ZBED4: variants seen among roughly 807,000 people sequenced by gnomAD.
ZBED4 encodes the protein zinc finger BED domain-containing protein 4.
ZBED4 carries 4 observed loss-of-function variants against 15.5 expected under a neutral mutation model. That is an observed-to-expected ratio of 0.26 (90% CI 0.13 to 0.59). ZBED4 has a LOEUF of 0.59. Among genes scored for constraint, ZBED4 ranks in the 20% least tolerant of loss-of-function variants. ZBED4 has a pLI of 0.90. For missense variants in ZBED4, 1,323 were observed against 1,461.8 expected, an observed-to-expected ratio of 0.91 and a Z score of 1.55; for synonymous variants, 692 against 608.5, an observed-to-expected ratio of 1.14 and a Z score of -2.02.
chr22:49,858,925 G>A (rs991278524), intron 1 of ZBED4, among the ~76,000 whole-genome samples: 3 of 152,202 alleles, frequency 2.0e-5, no homozygotes, highest in African/African-American at 4.8e-5. Flanking sequence ...ACAGGGGCAC[G>A]TTTGGGGCGC....
rs542831149 is a variant in ZBED4 at position 49,888,750 on chromosome 22, G to A, written c.*1572G>A. 2 of 167,402 alleles carry A rather than the reference G, an allele frequency of 1.2e-5. No individual in the cohort carries two copies. 10.4% of individuals were successfully genotyped at this position (167,402 alleles called of 1,614,324 possible). On this transcript the variant is annotated 3_prime_UTR_variant, in exon 2 of 2. Transcript: ENST00000216268. The stretch of plus-strand genomic sequence containing the variant: ...GTGTCCTCTTACCCGGTAGCTGTGC[G>A]CTTGTTCCCGTGAGAACAGCCTGCT...
chr22:49,868,505 T>G (rs1405440381), intron 1 of ZBED4, among the ~76,000 whole-genome samples: 5 of 151,938 alleles, frequency 3.3e-5, no homozygotes, highest in Non-Finnish European at 2.9e-5. Flanking sequence ...CTTGAGCTCA[T>G]GAGGCGGAGG....
intron 1 of ZBED4, among the ~76,000 whole-genome samples, chr22:49,874,717 G>T: frequency 9.7e-6 from 1 of 102,572 alleles, no homozygotes; most frequent in Non-Finnish European, 1.8e-5. Flanking sequence ...GTCTCACTCT[G>T]TCGCCAGGCT....
chr22:49,859,872 C>T (rs962132288), intron 1 of ZBED4, among the ~76,000 whole-genome samples: 7 of 151,744 alleles, frequency 4.6e-5, no homozygotes, highest in Non-Finnish European at 1.0e-4. Context: ...CAAAAACATA[C>T]AGAAATCAGC....
intron 1 of ZBED4, among the ~76,000 whole-genome samples, chr22:49,878,080 G>A (rs964155274): frequency 6.6e-6 from 1 of 151,946 alleles, no homozygotes; most frequent in Non-Finnish European, 1.5e-5. Flanking sequence ...CGAGATGGGC[G>A]GATCACCTGA....
At chr22:49,858,322 G>A (rs141391390) in intron 1 of ZBED4, among the ~76,000 whole-genome samples, 7 of 152,302 alleles carry the variant, frequency 4.6e-5, no homozygotes, top group African/African-American at 1.7e-4. Context: ...ATAGGTGAAG[G>A]CTACTCAGGT....
chr22:49,864,463 C>T (rs1241774402), intron 1 of ZBED4, among the ~76,000 whole-genome samples: 1 of 152,170 alleles, frequency 6.6e-6, no homozygotes, highest in Admixed American at 6.5e-5. Flanking sequence ...ACTACAGATG[C>T]TTCGCAACTC....
At chr22:49,864,932 A>C (rs1490560732) in intron 1 of ZBED4, among the ~76,000 whole-genome samples, 2 of 35,356 alleles carry the variant, frequency 5.7e-5, no homozygotes, top group Admixed American at 3.1e-4. Context: ...GTTCTATCCC[A>C]GCAAGCCCCC....
intron 1 of ZBED4, among the ~76,000 whole-genome samples, chr22:49,870,435 C>G (rs1296045152): frequency 6.6e-6 from 1 of 152,176 alleles, no homozygotes; most frequent in Non-Finnish European, 1.5e-5. Context: ...TCATTGACAT[C>G]CCTGCCAGCA....
rs561160604 is a variant in ZBED4 at position 49,871,724 on chromosome 22, G to A, written c.-329-11610G>A. On this transcript the variant is annotated intron_variant, in intron 1 of 1. Coordinates refer to ENST00000216268, the MANE Select transcript of ZBED4 (RefSeq NM_014838.3). Reference sequence around the variant, plus strand: ...CAATCAGAGTGCAGATTGCTGAAGGGTGGGGTGGCTGTGACAATTTATTTA... The same window carrying A: ...CAATCAGAGTGCAGATTGCTGAAGGATGGGGTGGCTGTGACAATTTATTTA... Among the ~76,000 whole-genome samples, 4 of 151,056 alleles carry A rather than the reference G, an allele frequency of 2.6e-5. 1 individual carries two copies. The South Asian group carries it at 8.5e-4, about 32-fold the overall frequency.
intron 1 of ZBED4, among the ~76,000 whole-genome samples, chr22:49,860,429 A>G (rs993515541): frequency 9.8e-5 from 15 of 152,362 alleles, no homozygotes; most frequent in Admixed American, 5.2e-4. Context: ...AAATGTGCAT[A>G]CAGTAGGTTG....
At position 49,888,651 on chromosome 22, in the gene ZBED4, G is replaced by A. The variant is rs138241987; in HGVS notation, c.*1473G>A. On this transcript the variant is annotated 3_prime_UTR_variant, in exon 2 of 2. Coordinates refer to ENST00000216268, the MANE Select transcript of ZBED4 (RefSeq NM_014838.3). ...ACTTTCCAGGTCTCGTGTTCAAGTGGTGCCAGAATGCAGGAGCCGGTGGGC... is the reference window on the plus strand; with the variant it reads ...ACTTTCCAGGTCTCGTGTTCAAGTGATGCCAGAATGCAGGAGCCGGTGGGC... The A allele has an allele frequency of 2.9e-4, 48 of 167,398 alleles. No individual in the cohort carries two copies. Among genetic ancestry groups the A allele is most frequent in the African/African-American group, 1.1e-3 (46 of 41,580 alleles). The allele number at this position is 167,398 out of a possible 1,614,324, so 10.4% of individuals were successfully genotyped here.
intron 1 of ZBED4, among the ~76,000 whole-genome samples, chr22:49,876,427 TTGCTTCG>T (rs1430545473): frequency 8.5e-5 from 13 of 152,228 alleles, no homozygotes; most frequent in Non-Finnish European, 1.9e-4. Flanking sequence ...TCTCTCAGCT[TTGCTTCG>T]TGGTTTTGAA....
intron 1 of ZBED4, among the ~76,000 whole-genome samples, chr22:49,874,772 G>A (rs1047251864): frequency 3.9e-5 from 5 of 126,950 alleles, no homozygotes; most frequent in East Asian, 5.1e-4. Flanking sequence ...TCGACCTCCC[G>A]TCCAGGTTCA....
intron 1 of ZBED4, among the ~76,000 whole-genome samples, chr22:49,865,710 G>T (rs1156356826): frequency 6.6e-6 from 1 of 151,990 alleles, no homozygotes; most frequent in Admixed American, 6.6e-5. Context: ...TGTTTCTGTT[G>T]TGTTTTGGTT....
At chr22:49,872,992 A>G (rs2060356290) in intron 1 of ZBED4, among the ~76,000 whole-genome samples, 1 of 152,090 alleles carries the variant, frequency 6.6e-6, no homozygotes, top group African/African-American at 2.4e-5. Context: ...TACCGCGCCC[A>G]GCCAATGTTT....
intron 1 of ZBED4, among the ~76,000 whole-genome samples, chr22:49,863,811 A>G (rs62232059): frequency 0.057 from 8,730 of 152,256 alleles, 305 homozygotes; most frequent in South Asian, 0.093. Flanking sequence ...TCATTTTCCT[A>G]TCAGCCTCCA....
In ZBED4 at chr22:49,888,081, C is replaced by T. The variant is rs1029152609; in HGVS notation, c.*903C>T. 4 of 167,216 alleles carry T rather than the reference C, an allele frequency of 2.4e-5. No individual in the cohort carries two copies. The highest frequency in any genetic ancestry group is 9.7e-5 in the African/African-American group (4 of 41,448). The allele number at this position is 167,216 out of a possible 1,614,324, so 10.4% of individuals were successfully genotyped here. ...TTTTTTAGAAGAGATGGCTTATTAA[C>T]AGGGAAGAAGCTTGTTATATTCCAG... On this transcript the variant is annotated 3_prime_UTR_variant, in exon 2 of 2. Coordinates refer to ENST00000216268, the MANE Select transcript of ZBED4 (RefSeq NM_014838.3).
At position 49,885,107 on chromosome 22, in the gene ZBED4, G is replaced by A; in HGVS notation, c.1445G>A (p.Cys482Tyr). The change falls in exon 2 of 2, where the codon TGT (cysteine) becomes TAT (tyrosine). Residue 482 changes from cysteine (C) to tyrosine (Y), a missense_variant. Coordinates refer to ENST00000216268, the MANE Select transcript of ZBED4 (RefSeq NM_014838.3). ...AAGGCCGAGTGTCGGTACTGCGGCT[G>A]TGCCATCAGCCGGGGGAAGAAGGGT... ...SLKAECRYCGCAISRGKKGDV... is the reference protein window; with the variant it reads ...SLKAECRYCGYAISRGKKGDV... 1 of 1,613,938 alleles carries A rather than the reference G, an allele frequency of 6.2e-7. No individual in the cohort carries two copies. The highest frequency in any genetic ancestry group is 2.2e-5 in the East Asian group (1 of 44,834).
Sources: gnomAD v4.1 joint callset for allele counts (sites outside exome capture counted in the v4.1 genomes callset) on GRCh38, gnomAD v4.1.1 for gene constraint, MANE v1.5 for transcripts, NCBI Gene and HGNC (gene_info 2026-07-23, HGNC 2026-07-21) for gene names.